The following AFF3 variants were observed in gnomAD, a reference collection of about 807,000 sequenced individuals.
The protein encoded by AFF3 is ALF transcription elongation factor 3, also known as AF4/FMR2 family member 3.
In AFF3, 32 loss-of-function variants were observed where a neutral mutation model predicts 129.7. The ratio of observed to expected loss-of-function variants is 0.25; its 90% CI spans 0.19 to 0.33. The LOEUF (loss-of-function observed/expected upper bound fraction) is 0.33, where lower values mean the gene tolerates loss of function less well. AFF3 is among the 10% of genes least tolerant of loss of function. The probability of loss-of-function intolerance (pLI) is 1.00; values close to 1 mark genes in which losing one functional copy is unlikely to be tolerated. For synonymous variants in AFF3, 644 were observed against 635.4 expected, an observed-to-expected ratio of 1.01 and a Z score of -0.20; for missense variants, 1,373 against 1,592.0, an observed-to-expected ratio of 0.86 and a Z score of 2.34.
At chr2:99,669,500 C>A (rs933205944) in intron 12 of AFF3, among the ~76,000 whole-genome samples, 6 of 152,018 alleles carry the variant, frequency 3.9e-5, no homozygotes, top group East Asian at 1.9e-4. Context: ...ATACAAAGTG[C>A]AAAAATAAGC....
At chr2:99,690,190 T>TATTA (rs944598293) in intron 11 of AFF3, among the ~76,000 whole-genome samples, 22 of 139,080 alleles carry the variant, frequency 1.6e-4, no homozygotes, top group African/African-American at 5.6e-4. Context: ...TTATTATTAT[T>TATTA]ATTATTATTT....
intron 7 of AFF3, among the ~76,000 whole-genome samples, chr2:99,861,332 C>T (rs997054991): frequency 1.1e-4 from 16 of 152,076 alleles, no homozygotes; most frequent in African/African-American, 3.1e-4. Context: ...TATGGTAATA[C>T]GATATGGGGA....
chr2:99,643,026 GTT>G (rs1372962365), intron 13 of AFF3, among the ~76,000 whole-genome samples: 1 of 141,408 alleles, frequency 7.1e-6, no homozygotes, highest in African/African-American at 2.6e-5. Context: ...TTTTTTAAAA[GTT>G]TTTTATTCAT....
chr2:100,104,275 C>CCCCGA (rs1394798512), intron 4 of AFF3, 127 bp downstream of exon 4: 1 of 146,132 alleles, frequency 6.8e-6, no homozygotes, highest in Non-Finnish European at 1.5e-5. Flanking sequence ...AGGCAGGCGC[C>CCCCGA]CCCGACCCAC....
intron 11 of AFF3, among the ~76,000 whole-genome samples, chr2:99,713,280 T>C (rs910775286): frequency 6.6e-6 from 1 of 151,432 alleles, no homozygotes; most frequent in Non-Finnish European, 1.5e-5. Context: ...TTTTTTTTTT[T>C]TTTTTTTGAG....
intron 22 of AFF3, among the ~76,000 whole-genome samples, chr2:99,556,462 G>A (rs545193362): frequency 6.6e-6 from 1 of 152,192 alleles, no homozygotes; most frequent in African/African-American, 2.4e-5. Flanking sequence ...AACAAAAAAA[G>A]AAGTCTTGAG....
At chr2:99,621,881 G>T (rs35488108) in intron 13 of AFF3, among the ~76,000 whole-genome samples, 1 of 152,000 alleles carries the variant, frequency 6.6e-6, no homozygotes, top group African/African-American at 2.4e-5. Flanking sequence ...TTTGCAGGGC[G>T]AGTTGTGTGG....
chr2:99,748,896 C>T (rs1677976436), intron 9 of AFF3, among the ~76,000 whole-genome samples: 1 of 152,166 alleles, frequency 6.6e-6, no homozygotes, highest in African/African-American at 2.4e-5. Flanking sequence ...TGTTAGCTGC[C>T]AGCCCCTGGA....
At chr2:99,652,661 T>A (rs1685372673) in intron 12 of AFF3, among the ~76,000 whole-genome samples, 1 of 152,242 alleles carries the variant, frequency 6.6e-6, no homozygotes, top group South Asian at 2.1e-4. Flanking sequence ...TTGCCATTCA[T>A]TTGCTATGGA....
At chr2:99,947,669 C>CAGACAGACAGACAGAT (rs1553486293) in intron 7 of AFF3, among the ~76,000 whole-genome samples, 9 of 149,364 alleles carry the variant, frequency 6.0e-5, no homozygotes, top group African/African-American at 2.0e-4. Flanking sequence ...GACAGACAGA[C>CAGACAGACAGACAGAT]AGATAGATCG....
intron 11 of AFF3, among the ~76,000 whole-genome samples, chr2:99,694,010 C>A (rs1014385325): frequency 3.9e-5 from 6 of 151,940 alleles, no homozygotes; most frequent in African/African-American, 1.5e-4. Flanking sequence ...CGCTGCCTCC[C>A]GGGTTCAAGT....
chr2:99,915,859 T>C (rs111797766), intron 7 of AFF3, among the ~76,000 whole-genome samples: 1 of 152,188 alleles, frequency 6.6e-6, no homozygotes, highest in Admixed American at 6.5e-5. Flanking sequence ...AAGAACCAGC[T>C]TCTCTCCTGG....
chr2:99,751,300 C>G (rs577642332), intron 9 of AFF3, among the ~76,000 whole-genome samples: 1 of 152,214 alleles, frequency 6.6e-6, no homozygotes, highest in Middle Eastern at 3.4e-3. Context: ...AGCATGTTGG[C>G]CAGGCTGGTC....
intron 7 of AFF3, among the ~76,000 whole-genome samples, chr2:99,944,489 T>C (rs1241533368): frequency 6.6e-6 from 1 of 152,210 alleles, no homozygotes; most frequent in East Asian, 1.9e-4. Context: ...CAGAGGTTGG[T>C]CAATGCTTCC....
At chr2:99,768,304 C>T (rs961121232) in intron 8 of AFF3, among the ~76,000 whole-genome samples, 8 of 152,122 alleles carry the variant, frequency 5.3e-5, no homozygotes, top group Non-Finnish European at 8.8e-5. Context: ...CAGATAATGT[C>T]AATGGTGACC....
intron 1 of AFF3, among the ~76,000 whole-genome samples, chr2:100,136,961 T>A (rs138361389): frequency 1.1e-3 from 173 of 152,324 alleles, no homozygotes; most frequent in Admixed American, 3.1e-3. Context: ...GTATTTAACT[T>A]TTGATGCCTT....
At position 100,056,061 on chromosome 2, in the gene AFF3, T is replaced by TCACACACACA. The variant is rs760665941; in HGVS notation, c.54-47130_54-47129insTGTGTGTGTG. On this transcript the variant is annotated intron_variant, in intron 4 of 24. Transcript: ENST00000672756. Reference sequence around the variant, plus strand: ...ACAAAAAAAAAAATCGCTGTCTCTCTCTCACACACACACACACACACACAC... The same window carrying TCACACACACA: ...ACAAAAAAAAAAATCGCTGTCTCTCTCACACACACACTCACACACACACACACACACACAC... Among the ~76,000 whole-genome samples the TCACACACACA allele has an allele frequency of 5.5e-3, 735 of 133,480 alleles. 8 individuals are homozygous for TCACACACACA. The highest frequency in any genetic ancestry group is 0.02 in the African/African-American group (677 of 33,832). 87.6% of individuals were successfully genotyped at this position (133,480 alleles called of 152,430 possible). A position where few individuals can be genotyped will look rare whatever the true frequency, so the allele number is the denominator to read the frequency against.
intron 11 of AFF3, among the ~76,000 whole-genome samples, chr2:99,711,411 C>CA (rs1677880196): frequency 6.6e-6 from 1 of 152,104 alleles, no homozygotes; most frequent in Admixed American, 6.5e-5. Flanking sequence ...ACAACATGTC[C>CA]AGTAGACTGC....
At chr2:99,785,033 A>G (rs779586580) in intron 8 of AFF3, among the ~76,000 whole-genome samples, 1 of 152,180 alleles carries the variant, frequency 6.6e-6, no homozygotes, top group Non-Finnish European at 1.5e-5. Context: ...GTTTGCATAC[A>G]GCAGCGATGT....
Sources: gnomAD v4.1 joint callset for allele counts (sites outside exome capture counted in the v4.1 genomes callset) on GRCh38, gnomAD v4.1.1 for gene constraint, MANE v1.5 for transcripts, NCBI Gene and HGNC (gene_info 2026-07-23, HGNC 2026-07-21) for gene names.